Variants in VPS13D observed in about 807,000 individuals in gnomAD.
VPS13D encodes vacuolar protein sorting 13 homolog D.
Under a neutral mutation model 461.9 loss-of-function variants are expected in VPS13D, and 187 were observed. The observed-to-expected ratio is 0.40, with a 90% CI of 0.36 to 0.46. The LOEUF (loss-of-function observed/expected upper bound fraction) is 0.46, where lower values mean the gene tolerates loss of function less well. Ranked by LOEUF, VPS13D falls within the 20% of genes least tolerant of loss-of-function variation. VPS13D has a pLI of 0.60. For synonymous variants in VPS13D, 1,951 were observed against 1,986.3 expected, an observed-to-expected ratio of 0.98 and a Z score of 0.47; for missense variants, 4,711 against 5,364.9, an observed-to-expected ratio of 0.88 and a Z score of 3.81.
rs1644854563 is a variant in VPS13D at position 12,420,919 on chromosome 1, A to G, written c.12333+4092A>G. On this transcript the variant is annotated intron_variant, in intron 65 of 69. Transcript: ENST00000620676. The stretch of plus-strand genomic sequence containing the variant: ...GATAATAGACCTGTAGGGTTTAGTC[A>G]TCTGTGGATAGATGCACAAATTTTA... 2.0e-5 allele frequency among the ~76,000 whole-genome samples: 3 copies of G among 152,196 alleles called. No individual in the cohort carries two copies. In the South Asian group the frequency reaches 6.2e-4, roughly 32 times the overall value.
chr1:12,247,539 CATT>C (rs1411768080), intron 5 of VPS13D, among the ~76,000 whole-genome samples: 1 of 150,242 alleles, frequency 6.7e-6, no homozygotes, highest in Non-Finnish European at 1.5e-5. Flanking sequence ...AAAAAGCAAA[CATT>C]TATTATTCAT....
intron 55 of VPS13D, among the ~76,000 whole-genome samples, chr1:12,377,802 A>G (rs546458450): frequency 7.2e-6 from 1 of 139,714 alleles, no homozygotes; most frequent in Non-Finnish European, 1.5e-5. Context: ...CCTGGAGAAC[A>G]GGAGCGAAAC....
intron 65 of VPS13D, among the ~76,000 whole-genome samples, chr1:12,444,650 T>C (rs1399688635): frequency 6.6e-6 from 1 of 152,240 alleles, no homozygotes; most frequent in Non-Finnish European, 1.5e-5. Context: ...TCGACTCTGC[T>C]GTTTCACCAT....
At chr1:12,318,449 C>A in intron 31 of VPS13D, 112 bp downstream of exon 31, 1 of 1,359,082 alleles carries the variant, frequency 7.4e-7, no homozygotes, top group Non-Finnish European at 1.0e-6. Flanking sequence ...AGCACTTACA[C>A]ATTTGCCTCT....
chr1:12,294,059 G>C (rs980110902), intron 24 of VPS13D, among the ~76,000 whole-genome samples: 2 of 152,164 alleles, frequency 1.3e-5, no homozygotes, highest in African/African-American at 4.8e-5. Context: ...AACTGAGTTC[G>C]TGGCCCCCGT....
intron 65 of VPS13D, among the ~76,000 whole-genome samples, chr1:12,419,270 A>G (rs973463350): frequency 2.0e-5 from 3 of 152,140 alleles, no homozygotes; most frequent in South Asian, 2.1e-4. Flanking sequence ...TTCCCTTCCC[A>G]TGGGGTTGGG....
chr1:12,412,278 G>GT (rs1331661765), intron 63 of VPS13D, among the ~76,000 whole-genome samples: 1 of 152,198 alleles, frequency 6.6e-6, no homozygotes, highest in African/African-American at 2.4e-5. Flanking sequence ...AATTCCAGCA[G>GT]TTTTTTTGGA....
At chr1:12,382,158 A>G (rs1161325502) in intron 57 of VPS13D, among the ~76,000 whole-genome samples, 2 of 150,840 alleles carry the variant, frequency 1.3e-5, no homozygotes, top group Middle Eastern at 6.8e-3. Flanking sequence ...CTGGAGTACA[A>G]TAGCACAATC....
intron 44 of VPS13D, 42 bp from the exon 45 acceptor site, chr1:12,348,781 T>A (rs746404497): frequency 7.5e-6 from 12 of 1,605,080 alleles, no homozygotes; most frequent in Non-Finnish European, 1.0e-5. Context: ...TTATATGTTT[T>A]TTCAGAAACA....
At chr1:12,262,537 G>A (rs1235037472) in intron 13 of VPS13D, among the ~76,000 whole-genome samples, 3 of 152,160 alleles carry the variant, frequency 2.0e-5, no homozygotes, top group Non-Finnish European at 4.4e-5. Context: ...CAGCCATGCG[G>A]TCATGAGGTA....
chr1:12,509,361 G>T lies in VPS13D; in HGVS notation c.*337G>T. Reference sequence around the variant, plus strand: ...AGTGTGTTTGTAAATATATAGGAACGTTTCTGAACAGGGTCTGTGCTATGT... The same window carrying T: ...AGTGTGTTTGTAAATATATAGGAACTTTTCTGAACAGGGTCTGTGCTATGT... On this transcript the variant is annotated 3_prime_UTR_variant, in exon 70 of 70. Transcript: ENST00000620676. 1 of 206,108 alleles carries T rather than the reference G, an allele frequency of 4.9e-6. No individual in the cohort carries two copies. Among genetic ancestry groups the T allele is most frequent in the South Asian group, 1.2e-4 (1 of 8,080 alleles). 12.8% of individuals were successfully genotyped at this position (206,108 alleles called of 1,614,324 possible).
chr1:12,235,422 A>G (rs1288278676), intron 2 of VPS13D, among the ~76,000 whole-genome samples: 13 of 152,044 alleles, frequency 8.6e-5, no homozygotes, highest in Admixed American at 8.5e-4. Flanking sequence ...CTAAAAATAC[A>G]AAAATTAGCT....
chr1:12,267,074 G>A, intron 14 of VPS13D, 63 bp downstream of exon 14: 2 of 1,437,348 alleles, frequency 1.4e-6, no homozygotes, highest in Non-Finnish European at 1.8e-6. Context: ...TCTGTTTTAG[G>A]CAAATGATAA....
In VPS13D at chr1:12,272,709, A is replaced by G. The variant is rs540172879; in HGVS notation, c.2104-294A>G. Among the ~76,000 whole-genome samples the G allele has an allele frequency of 1.5e-3, 223 of 152,324 alleles. 1 individual carries two copies. The highest frequency in any genetic ancestry group is 5.1e-3 in the African/African-American group (214 of 41,568). ...TTTATTTGAATTCTATAATTTCTAT[A>G]ATCCTTTAAAGTATTAAACCCTGTA... On this transcript the variant is annotated intron_variant, in intron 17 of 69. Coordinates refer to ENST00000620676, the MANE Select transcript of VPS13D (RefSeq NM_015378.4).
chr1:12,319,666 T>A (rs1477425682), intron 32 of VPS13D, 36 bp downstream of exon 32: 1 of 1,613,328 alleles, frequency 6.2e-7, no homozygotes, highest in African/African-American at 1.3e-5. Flanking sequence ...GCACTGCGTG[T>A]TGGCTCACGA....
chr1:12,234,501 C>A (rs1028131796), intron 2 of VPS13D, 138 bp downstream of exon 2: 2 of 553,586 alleles, frequency 3.6e-6, no homozygotes, highest in Non-Finnish European at 3.1e-6. Context: ...CCCATATCAT[C>A]CTGATGATTT....
chr1:12,444,919 A>G (rs1173859571), intron 65 of VPS13D, among the ~76,000 whole-genome samples: 4 of 152,230 alleles, frequency 2.6e-5, no homozygotes, highest in African/African-American at 9.6e-5. Context: ...TCAGATACCC[A>G]GTTTTTAAAT....
At chr1:12,252,640 C>T (rs1348396956) in intron 6 of VPS13D, among the ~76,000 whole-genome samples, 2 of 151,768 alleles carry the variant, frequency 1.3e-5, no homozygotes, top group Admixed American at 1.3e-4. Flanking sequence ...GGCATGGTGG[C>T]ATATACCTGT....
chr1:12,474,284 C>T (rs1263455997), intron 67 of VPS13D, among the ~76,000 whole-genome samples: 2 of 152,092 alleles, frequency 1.3e-5, no homozygotes, highest in East Asian at 1.9e-4. Flanking sequence ...AAAAGCATTA[C>T]GTGGTTTGGA....
Sources: gnomAD v4.1 joint callset for allele counts (sites outside exome capture counted in the v4.1 genomes callset) on GRCh38, gnomAD v4.1.1 for gene constraint, MANE v1.5 for transcripts, NCBI Gene and HGNC (gene_info 2026-07-23, HGNC 2026-07-21) for gene names.